Variants in ITPR1 observed in about 807,000 individuals in gnomAD.
ITPR1 encodes inositol 1,4,5-trisphosphate-gated calcium channel ITPR1.
A neutral mutation model predicts 318.4 loss-of-function variants in ITPR1; 96 were observed. The observed-to-expected ratio is 0.30, with a 90% CI of 0.26 to 0.36. ITPR1 has a LOEUF of 0.36. Among genes scored for constraint, ITPR1 ranks in the 10% least tolerant of loss-of-function variants. The pLI is 1.00. For synonymous variants in ITPR1, 1,312 were observed against 1,289.9 expected, an observed-to-expected ratio of 1.02 and a Z score of -0.37; for missense variants, 2,440 against 3,460.2, an observed-to-expected ratio of 0.71 and a Z score of 7.40.
At chr3:4,618,005 GT>G (rs1157236624) in intron 4 of ITPR1, among the ~76,000 whole-genome samples, 2 of 143,266 alleles carry the variant, frequency 1.4e-5, no homozygotes, top group African/African-American at 5.1e-5. Flanking sequence ...AAAAAAAAAA[GT>G]TTTATTTGAT....
intron 20 of ITPR1, chr3:4,671,435 G>A (rs1021365000): frequency 6.6e-6 from 1 of 152,288 alleles, no homozygotes; most frequent in Non-Finnish European, 1.5e-5. Flanking sequence ...ATAATAAAAA[G>A]CATGTACTTA....
At chr3:4,685,260 G>T in intron 30 of ITPR1, 54 bp downstream of exon 30, 1 of 1,518,610 alleles carries the variant, frequency 6.6e-7, no homozygotes. Flanking sequence ...GGATCCCTGG[G>T]TTTCCCCAAA....
At chr3:4,563,827 A>T (rs76653044) in intron 4 of ITPR1, among the ~76,000 whole-genome samples, 12,764 of 152,224 alleles carry the variant, frequency 0.084, 597 homozygotes, top group Non-Finnish European at 0.1. Flanking sequence ...TCCTATATAG[A>T]GGTTTTATTC....
intron 4 of ITPR1, among the ~76,000 whole-genome samples, chr3:4,571,526 G>A (rs1267364444): frequency 2.6e-5 from 4 of 151,950 alleles, no homozygotes; most frequent in South Asian, 4.1e-4. Context: ...ATTTTATGTA[G>A]AACTGCTACA....
intron 60 of ITPR1, among the ~76,000 whole-genome samples, chr3:4,829,435 C>T (rs1026594472): frequency 4.7e-5 from 7 of 150,196 alleles, no homozygotes; most frequent in Non-Finnish European, 1.0e-4. Flanking sequence ...TATGGAATCC[C>T]ATTTTTAAAA....
chr3:4,538,274 G>A (rs982648652), intron 4 of ITPR1, among the ~76,000 whole-genome samples: 5 of 152,154 alleles, frequency 3.3e-5, no homozygotes, highest in Admixed American at 3.3e-4. Context: ...AGACATTTAT[G>A]TGGCCAAGAA....
rs1342847713 is a variant in ITPR1 at position 4,681,437 on chromosome 3, A to G, written c.3161+19A>G. Reference sequence around the variant, plus strand: ...GAGGAAGGAAAGTATATTTTCAGTTACTGTTTTGTAGGGAAGGCTGCTCTT... The same window carrying G: ...GAGGAAGGAAAGTATATTTTCAGTTGCTGTTTTGTAGGGAAGGCTGCTCTT... On this transcript the variant is annotated intron_variant, in intron 26 of 61. Coordinates refer to ENST00000649015, the MANE Select transcript of ITPR1 (RefSeq NM_001378452.1). 1 of 1,577,256 alleles carries G rather than the reference A, an allele frequency of 6.3e-7. No individual in the cohort carries two copies. Among genetic ancestry groups the G allele is most frequent in the Non-Finnish European group, 8.7e-7 (1 of 1,146,722 alleles).
Position 4,800,607 on chromosome 3 carries a change from G to T in ITPR1, c.7107+7G>T. The T allele has an allele frequency of 1.2e-6, 2 of 1,612,942 alleles. No homozygotes were observed. Among genetic ancestry groups the T allele is most frequent in the Non-Finnish European group, 1.7e-6 (2 of 1,179,074 alleles). On this transcript the variant is annotated splice_region_variant and intron_variant, in intron 54 of 61. Transcript: ENST00000649015. ...TCTTCTGGGCGCTTTCAATGTAAGT[G>T]TGAATACCTTCCTTGCCACTGTTTT...
intron 5 of ITPR1, among the ~76,000 whole-genome samples, chr3:4,633,279 C>G (rs1207497450): frequency 1.3e-5 from 2 of 152,142 alleles, no homozygotes; most frequent in African/African-American, 2.4e-5. Context: ...TCTGCAGTTC[C>G]TACTTTCCTA....
At chr3:4,687,585 T>C (rs1256360463) in intron 30 of ITPR1, among the ~76,000 whole-genome samples, 4 of 152,226 alleles carry the variant, frequency 2.6e-5, no homozygotes, top group Admixed American at 2.6e-4. Flanking sequence ...TATTGTGGGC[T>C]GTAAGAATAT....
chr3:4,754,430 G>T (rs942006814), intron 44 of ITPR1, among the ~76,000 whole-genome samples: 5 of 152,152 alleles, frequency 3.3e-5, no homozygotes, highest in Non-Finnish European at 7.4e-5. Context: ...AAGTCTTCAT[G>T]TCCTCCTGGC....
intron 52 of ITPR1, among the ~76,000 whole-genome samples, chr3:4,789,281 G>A (rs998213288): frequency 6.6e-6 from 1 of 152,198 alleles, no homozygotes; most frequent in African/African-American, 2.4e-5. Context: ...CAGCCTCTGT[G>A]GCCTCCACGG....
rs190096086 is a variant in ITPR1 at position 4,514,233 on chromosome 3, C to T, written c.-16-2243C>T. ...ATGGCAATAATGGTAGTTCCTACCT[C>T]CTGCTGTGGTCATGAGGATTCACTA... On this transcript the variant is annotated intron_variant, in intron 2 of 61. Transcript: ENST00000649015. 1.2e-3 allele frequency among the ~76,000 whole-genome samples: 177 copies of T among 152,280 alleles called. 1 individual carries two copies. Among genetic ancestry groups the T allele is most frequent in the African/African-American group, 4.0e-3 (168 of 41,548 alleles).
chr3:4,500,558 A>G (rs1012632574), intron 2 of ITPR1, among the ~76,000 whole-genome samples: 1 of 152,236 alleles, frequency 6.6e-6, no homozygotes, highest in African/African-American at 2.4e-5. Context: ...TGTCATCCTC[A>G]TCTTACAGAC....
At chr3:4,650,644 T>TGCGC (rs57689430) in intron 10 of ITPR1, among the ~76,000 whole-genome samples, 377 of 26,546 alleles carry the variant, frequency 0.014, 6 homozygotes, top group African/African-American at 0.025. Flanking sequence ...TGTGTGTGTG[T>TGCGC]GCGCGCGTCT....
At chr3:4,602,236 C>A (rs576942761) in intron 4 of ITPR1, among the ~76,000 whole-genome samples, 1 of 152,146 alleles carries the variant, frequency 6.6e-6, no homozygotes, top group Non-Finnish European at 1.5e-5. Flanking sequence ...AACTTGTACA[C>A]GAGCCAGGTG....
intron 4 of ITPR1, among the ~76,000 whole-genome samples, chr3:4,621,144 A>G (rs1017783861): frequency 6.6e-5 from 10 of 152,030 alleles, no homozygotes; most frequent in African/African-American, 2.4e-4. Context: ...TATTAGCGTA[A>G]TGTTGTCGCA....
At chr3:4,611,291 G>A (rs1358327518) in intron 4 of ITPR1, among the ~76,000 whole-genome samples, 2 of 150,480 alleles carry the variant, frequency 1.3e-5, no homozygotes, top group African/African-American at 4.9e-5. Flanking sequence ...TGAGTGCAGT[G>A]GCTCACGCCT....
At chr3:4,600,972 A>G (rs2091226593) in intron 4 of ITPR1, among the ~76,000 whole-genome samples, 1 of 152,180 alleles carries the variant, frequency 6.6e-6, no homozygotes, top group Admixed American at 6.5e-5. Context: ...TTCCTGGAGT[A>G]AATTAATTCT....
Sources: allele counts gnomAD v4.1 joint callset (sites outside exome capture counted in the v4.1 genomes callset), GRCh38; gene constraint gnomAD v4.1.1; transcripts MANE v1.5; gene names NCBI Gene and HGNC (gene_info 2026-07-23, HGNC 2026-07-21).